The following LIN52 variants were observed in gnomAD, a reference collection of about 807,000 sequenced individuals.
LIN52 encodes the protein protein lin-52 homolog.
LIN52 carries 4 observed loss-of-function variants against 18.5 expected under a neutral mutation model. The observed-to-expected ratio is 0.22, with a 90% CI of 0.11 to 0.49. The LOEUF (loss-of-function observed/expected upper bound fraction) is 0.49, where lower values mean the gene tolerates loss of function less well. LIN52 is among the 20% of genes least tolerant of loss of function. The pLI is 0.97. For synonymous variants in LIN52, 34 were observed against 45.5 expected (o/e 0.75, Z 1.02); for missense variants, 102 against 139.5 (o/e 0.73, Z 1.35).
intron 5 of LIN52, among the ~76,000 whole-genome samples, chr14:74,104,712 G>GATC (rs2060886073): frequency 6.7e-6 from 1 of 149,380 alleles, no homozygotes; most frequent in Non-Finnish European, 1.5e-5. Context: ...CTAACTATCA[G>GATC]GAAATAAAAA....
At chr14:74,178,784 C>CA (rs967894891) in intron 5 of LIN52, among the ~76,000 whole-genome samples, 1 of 150,112 alleles carries the variant, frequency 6.7e-6, no homozygotes, top group Non-Finnish European at 1.5e-5. Context: ...CTTCTACCTT[C>CA]AAAAAAAATA....
chr14:74,100,606 G>T (rs2060847087), intron 4 of LIN52, among the ~76,000 whole-genome samples: 1 of 152,150 alleles, frequency 6.6e-6, no homozygotes, highest in African/African-American at 2.4e-5. Flanking sequence ...CTTCTGAGTA[G>T]CTGGGACTAC....
intron 5 of LIN52, among the ~76,000 whole-genome samples, chr14:74,176,861 T>A (rs1200358072): frequency 6.6e-6 from 1 of 152,224 alleles, no homozygotes; most frequent in East Asian, 1.9e-4. Context: ...TCTCCCAACC[T>A]GCCCTGCTAG....
intron 5 of LIN52, among the ~76,000 whole-genome samples, chr14:74,121,864 C>T (rs1341220325): frequency 1.3e-5 from 2 of 152,030 alleles, no homozygotes; most frequent in Admixed American, 6.6e-5. Context: ...GCTGGGATTA[C>T]AGGCGCGCAC....
At chr14:74,132,669 C>T (rs921815402) in intron 5 of LIN52, among the ~76,000 whole-genome samples, 2 of 151,930 alleles carry the variant, frequency 1.3e-5, no homozygotes, top group African/African-American at 4.8e-5. Context: ...CCACCATGCC[C>T]AGCTAATTTT....
intron 5 of LIN52, among the ~76,000 whole-genome samples, chr14:74,112,304 G>GT (rs145749356): frequency 0.014 from 2,091 of 147,258 alleles, 41 homozygotes; most frequent in African/African-American, 0.049. Flanking sequence ...TTGTTTGTTT[G>GT]TTTTTTTTTA....
intron 5 of LIN52, among the ~76,000 whole-genome samples, chr14:74,127,285 G>A (rs1226563740): frequency 2.0e-5 from 3 of 152,232 alleles, no homozygotes. Flanking sequence ...TAAGAGGGCA[G>A]GGATGGGTCT....
At chr14:74,130,777 G>A (rs1190746759) in intron 5 of LIN52, among the ~76,000 whole-genome samples, 1 of 150,084 alleles carries the variant, frequency 6.7e-6, no homozygotes, top group African/African-American at 2.5e-5. Context: ...TTAGAGATGG[G>A]GTTTTGCCTT....
intron 5 of LIN52, among the ~76,000 whole-genome samples, chr14:74,193,475 C>T (rs757225653): frequency 7.2e-5 from 11 of 151,964 alleles, no homozygotes; most frequent in Non-Finnish European, 1.6e-4. Context: ...GTGTTTTTCA[C>T]GTGTCATTCT....
chr14:74,165,945 G>A (rs2061247874), intron 5 of LIN52, among the ~76,000 whole-genome samples: 1 of 150,482 alleles, frequency 6.6e-6, no homozygotes, highest in African/African-American at 2.5e-5. Flanking sequence ...AGGCTAGGGT[G>A]CAATGGCATG....
intron 4 of LIN52, among the ~76,000 whole-genome samples, chr14:74,098,950 T>TA (rs1595149490): frequency 6.6e-6 from 1 of 152,228 alleles, no homozygotes; most frequent in African/African-American, 2.4e-5. Flanking sequence ...GACAACCTCT[T>TA]AGTGGGTTAA....
rs115512429 is a variant in LIN52, at chr14:74,097,910, A to G, written c.199+50A>G. 4.8e-4 allele frequency: 648 copies of G among 1,342,430 alleles called. 2 individuals are homozygous for G. In the African/African-American group the frequency reaches 8.6e-3, roughly 18 times the overall value. The allele number at this position is 1,342,430 out of a possible 1,614,324, so 83.2% of individuals were successfully genotyped here. On this transcript the variant is annotated intron_variant, in intron 4 of 5. Coordinates refer to ENST00000555028, the MANE Select transcript of LIN52 (RefSeq NM_001024674.3). ...TAACTGGATATTTATGTTTTTCCATAGACCACCTCTCTATTTTTTTTTTCT... is the reference window on the plus strand; with the variant it reads ...TAACTGGATATTTATGTTTTTCCATGGACCACCTCTCTATTTTTTTTTTCT...
At chr14:74,161,668 G>A (rs771821947) in intron 5 of LIN52, among the ~76,000 whole-genome samples, 9 of 152,216 alleles carry the variant, frequency 5.9e-5, no homozygotes, top group Non-Finnish European at 1.2e-4. Context: ...GCCCTCTGAA[G>A]GGAAAACACA....
intron 5 of LIN52, among the ~76,000 whole-genome samples, chr14:74,151,048 A>T (rs1404003618): frequency 6.6e-6 from 1 of 152,178 alleles, no homozygotes; most frequent in African/African-American, 2.4e-5. Context: ...AAACCTCCTT[A>T]AAATACAATT....
chr14:74,184,200 C>A (rs1055386062), intron 5 of LIN52, among the ~76,000 whole-genome samples: 6 of 152,228 alleles, frequency 3.9e-5, no homozygotes, highest in African/African-American at 1.4e-4. Context: ...CCCACCTCAG[C>A]CTCCCAAGTA....
At chr14:74,086,948 G>GA (rs151235071) in intron 1 of LIN52, among the ~76,000 whole-genome samples, 34,009 of 149,726 alleles carry the variant, frequency 0.23, 4,119 homozygotes, top group South Asian at 0.46. Flanking sequence ...CACCACAGTT[G>GA]AAAAAAAAAG....
At chr14:74,149,056 G>A (rs1395564917) in intron 5 of LIN52, among the ~76,000 whole-genome samples, 3 of 152,204 alleles carry the variant, frequency 2.0e-5, no homozygotes, top group Non-Finnish European at 4.4e-5. Context: ...CATGTTAAAT[G>A]TTAACTTCCT....
intron 5 of LIN52, among the ~76,000 whole-genome samples, chr14:74,164,297 G>C (rs12882530): frequency 0.78 from 116,241 of 149,354 alleles, 45,322 homozygotes; most frequent in Admixed American, 0.82. Context: ...GTTTTTTTTT[G>C]CTTTTGAGAC....
At chr14:74,109,982 C>T (rs1476128669) in intron 5 of LIN52, among the ~76,000 whole-genome samples, 3 of 152,266 alleles carry the variant, frequency 2.0e-5, no homozygotes, top group Non-Finnish European at 4.4e-5. Context: ...AATCCCAGTA[C>T]AGTGTTGAAT....
Sources: allele counts gnomAD v4.1 joint callset (sites outside exome capture counted in the v4.1 genomes callset), GRCh38; gene constraint gnomAD v4.1.1; transcripts MANE v1.5; gene names NCBI Gene and HGNC (gene_info 2026-07-23, HGNC 2026-07-21).